MAP4K3: variants seen among roughly 807,000 people sequenced by gnomAD.
The protein encoded by MAP4K3 is MAPK/ERK kinase kinase kinase 3.
MAP4K3 carries 94 observed loss-of-function variants against 143.5 expected under a neutral mutation model. The observed-to-expected ratio is 0.65, with a 90% CI of 0.55 to 0.78. MAP4K3 has a LOEUF of 0.78. Ranked by LOEUF, MAP4K3 falls within the 30% of genes least tolerant of loss-of-function variation. The probability of loss-of-function intolerance (pLI) is 0.00; values close to 1 mark genes in which losing one functional copy is unlikely to be tolerated. For synonymous variants in MAP4K3, 416 were observed against 347.2 expected (o/e 1.20, Z -2.20); for missense variants, 1,077 against 1,068.1 (o/e 1.01, Z -0.12).
At chr2:39,344,190 C>A (rs556179454) in intron 3 of MAP4K3, among the ~76,000 whole-genome samples, 1 of 152,226 alleles carries the variant, frequency 6.6e-6, no homozygotes, top group African/African-American at 2.4e-5. Flanking sequence ...AGAAGAATAT[C>A]CAGCAAATAA....
chr2:39,306,182 C>G (rs1400521378), intron 15 of MAP4K3, among the ~76,000 whole-genome samples: 1 of 152,180 alleles, frequency 6.6e-6, no homozygotes, highest in Non-Finnish European at 1.5e-5. Flanking sequence ...ATCTTTTCTA[C>G]ATGGAGGATA....
chr2:39,343,454 T>C lies in MAP4K3; in HGVS notation c.246-2A>G. 6.2e-7 allele frequency: 1 copy of C among 1,611,772 alleles called. No individual in the cohort carries two copies. Among genetic ancestry groups the C allele is most frequent in the Non-Finnish European group, 8.5e-7 (1 of 1,178,478 alleles). The stretch of plus-strand genomic sequence containing the variant: ...ATGCAAATCCAAAGCTTATCTCGCC[T>C]ATAAAGAGAAAAGAAGCATGTATCA... On this transcript the variant is annotated splice_acceptor_variant, in intron 3 of 33. Coordinates refer to ENST00000263881, the MANE Select transcript of MAP4K3 (RefSeq NM_003618.4). LOFTEE classifies it high-confidence loss of function.
At chr2:39,286,250 A>C (rs1681772789) in intron 21 of MAP4K3, among the ~76,000 whole-genome samples, 1 of 152,202 alleles carries the variant, frequency 6.6e-6, no homozygotes, top group Non-Finnish European at 1.5e-5. Flanking sequence ...ACTTCACAAC[A>C]GGGTTTGCAC....
At chr2:39,346,205 T>C (rs1268201441) in intron 3 of MAP4K3, among the ~76,000 whole-genome samples, 5 of 152,204 alleles carry the variant, frequency 3.3e-5, no homozygotes, top group African/African-American at 1.2e-4. Context: ...CACTATCTCC[T>C]TTATTTGATC....
intron 3 of MAP4K3, among the ~76,000 whole-genome samples, chr2:39,346,036 A>T (rs1302762190): frequency 1.3e-5 from 2 of 151,898 alleles, no homozygotes; most frequent in Admixed American, 6.6e-5. Flanking sequence ...CATACAGCTG[A>T]TATAAAAATT....
chr2:39,263,418 G>A (rs1398076314), intron 28 of MAP4K3, among the ~76,000 whole-genome samples: 3 of 146,548 alleles, frequency 2.0e-5, no homozygotes, highest in East Asian at 4.1e-4. Flanking sequence ...GACTACAGGC[G>A]CCCACCATCA....
At chr2:39,263,434 G>A (rs1225816273) in intron 28 of MAP4K3, among the ~76,000 whole-genome samples, 5 of 74,238 alleles carry the variant, frequency 6.7e-5, no homozygotes, top group Non-Finnish European at 1.4e-4. Context: ...CATCACGCCC[G>A]GCTATTTTTT....
At chr2:39,297,046 T>C (rs1295964739) in intron 16 of MAP4K3, among the ~76,000 whole-genome samples, 1 of 152,180 alleles carries the variant, frequency 6.6e-6, no homozygotes, top group African/African-American at 2.4e-5. Flanking sequence ...TAACTATTAC[T>C]TATTAGAAGA....
chr2:39,343,069 T>A (rs1665187106), intron 4 of MAP4K3, among the ~76,000 whole-genome samples: 1 of 152,212 alleles, frequency 6.6e-6, no homozygotes, highest in Admixed American at 6.5e-5. Flanking sequence ...TACTCATGTA[T>A]ACACTGGATA....
chr2:39,260,751 T>C lies in MAP4K3; in HGVS notation c.2163A>G (p.Pro721=). The C allele has an allele frequency of 6.2e-7, 1 of 1,612,926 alleles. No homozygotes were observed. Among genetic ancestry groups the C allele is most frequent in the Non-Finnish European group, 8.5e-7 (1 of 1,179,094 alleles). Residue 721 remains proline, a synonymous_variant, in exon 29 of 34, where the codon CCA becomes CCG. Transcript: ENST00000263881. ...CTACCAGCATTTCAAACATTCTAAGTGGACATGGTATAGGAAAATCTATGT... is the reference window on the plus strand; with the variant it reads ...CTACCAGCATTTCAAACATTCTAAGCGGACATGGTATAGGAAAATCTATGT... ...IKHIDFPIPC[P]LRMFEMLVVP...
At chr2:39,320,378 G>GA (rs773051567) in intron 12 of MAP4K3, among the ~76,000 whole-genome samples, 1 of 152,116 alleles carries the variant, frequency 6.6e-6, no homozygotes, top group Admixed American at 6.6e-5. Flanking sequence ...TTTTTTGTGT[G>GA]AAAAATCAAA....
In MAP4K3 at chr2:39,369,193, G is replaced by GTTTTTTTTTT. The variant is rs1553419595; in HGVS notation, c.154+8863_154+8872dup. The stretch of plus-strand genomic sequence containing the variant: ...GGGTAAAATCTAAACCTTTGGGCTA[G>GTTTTTTTTTT]TTTTTTTTTTTGTTTTTTTTGAGAT... On this transcript the variant is annotated intron_variant, in intron 2 of 33. Coordinates refer to ENST00000263881, the MANE Select transcript of MAP4K3 (RefSeq NM_003618.4). Among the ~76,000 whole-genome samples, 36 of 37,918 alleles carry GTTTTTTTTTT rather than the reference G, an allele frequency of 9.5e-4. 1 individual carries two copies. The highest frequency in any genetic ancestry group is 1.9e-3 in the Non-Finnish European group (27 of 13,978). 24.9% of individuals were successfully genotyped at this position (37,918 alleles called of 152,430 possible).
intron 31 of MAP4K3, among the ~76,000 whole-genome samples, chr2:39,256,404 G>A (rs1473071304): frequency 1.3e-5 from 2 of 152,032 alleles, no homozygotes; most frequent in African/African-American, 4.8e-5. Flanking sequence ...GCTTTGCTAG[G>A]TGAAGGACAT....
intron 31 of MAP4K3, 120 bp from the exon 32 acceptor site, chr2:39,254,640 A>G (rs758229611): frequency 1.5e-6 from 1 of 655,450 alleles, no homozygotes; most frequent in Non-Finnish European, 2.7e-6. Flanking sequence ...CAGCTATTCC[A>G]TATTTATATG....
At chr2:39,405,898 AC>A (rs1667080838) in intron 1 of MAP4K3, among the ~76,000 whole-genome samples, 1 of 151,884 alleles carries the variant, frequency 6.6e-6, no homozygotes, top group Admixed American at 6.6e-5. Flanking sequence ...TAAAAAAGAC[AC>A]CAGGGGCCAA....
intron 1 of MAP4K3, among the ~76,000 whole-genome samples, chr2:39,394,844 T>G (rs759767806): frequency 1.1e-4 from 17 of 152,136 alleles, no homozygotes; most frequent in Non-Finnish European, 2.1e-4. Flanking sequence ...TATCACCCTT[T>G]GTCAGTGCTA....
intron 1 of MAP4K3, among the ~76,000 whole-genome samples, chr2:39,434,858 C>T (rs1323420419): frequency 3.9e-5 from 6 of 152,198 alleles, no homozygotes; most frequent in African/African-American, 1.4e-4. Context: ...CCATAAACAT[C>T]AGCTAGTATT....
chr2:39,263,935 G>T (rs1452024484), intron 28 of MAP4K3, among the ~76,000 whole-genome samples: 1 of 152,080 alleles, frequency 6.6e-6, no homozygotes, highest in African/African-American at 2.4e-5. Flanking sequence ...AGCATAAATG[G>T]TTTACCATAT....
At chr2:39,313,702 A>G (rs1683020445) in intron 13 of MAP4K3, among the ~76,000 whole-genome samples, 1 of 152,088 alleles carries the variant, frequency 6.6e-6, no homozygotes, top group Non-Finnish European at 1.5e-5. Context: ...TAGCAGACAC[A>G]GGATTTCACT....
Sources: allele counts gnomAD v4.1 joint callset (sites outside exome capture counted in the v4.1 genomes callset), GRCh38; gene constraint gnomAD v4.1.1; transcripts MANE v1.5; gene names NCBI Gene and HGNC (gene_info 2026-07-23, HGNC 2026-07-21).